The following PNPLA1 variants were observed in gnomAD, a reference collection of about 807,000 sequenced individuals.
PNPLA1 encodes the protein patatin like domain 1, omega-hydroxyceramide transacylase.
A neutral mutation model predicts 51.7 loss-of-function variants in PNPLA1; 36 were observed. The observed-to-expected ratio is 0.70, with a 90% CI of 0.53 to 0.92. The LOEUF (loss-of-function observed/expected upper bound fraction) is 0.92. Among genes scored for constraint, PNPLA1 ranks in the 40% least tolerant of loss-of-function variants. PNPLA1 has a pLI of 0.00. For synonymous variants in PNPLA1, 293 were observed against 280.1 expected, an observed-to-expected ratio of 1.05 and a Z score of -0.46; for missense variants, 658 against 682.5, an observed-to-expected ratio of 0.96 and a Z score of 0.40.
intron 1 of PNPLA1, among the ~76,000 whole-genome samples, chr6:36,285,610 T>C (rs190481242): frequency 1.8e-4 from 27 of 152,278 alleles, no homozygotes; most frequent in African/African-American, 5.3e-4. Context: ...CCCGCTTCAG[T>C]TTCTGGAGTT....
At chr6:36,276,775 TTC>T (rs1414047671) in intron 1 of PNPLA1, among the ~76,000 whole-genome samples, 60 of 152,068 alleles carry the variant, frequency 3.9e-4, no homozygotes, top group African/African-American at 1.3e-3. Flanking sequence ...CCTTCCTTCC[TTC>T]CTTCCTTCCT....
intron 1 of PNPLA1, among the ~76,000 whole-genome samples, chr6:36,285,298 G>A (rs1305233641): frequency 6.6e-6 from 1 of 152,198 alleles, no homozygotes; most frequent in Non-Finnish European, 1.5e-5. Context: ...TGGGAGCAGG[G>A]CCGGCGGCGC....
upstream of PNPLA1, among the ~76,000 whole-genome samples, chr6:36,269,261 G>A (rs933440162): frequency 1.3e-5 from 2 of 152,146 alleles, no homozygotes; most frequent in South Asian, 2.1e-4. Flanking sequence ...TGAGGGGAGC[G>A]GGAGACGCCA....
intron 5 of PNPLA1, among the ~76,000 whole-genome samples, chr6:36,296,599 G>A (rs1183953811): frequency 1.3e-5 from 2 of 152,174 alleles, no homozygotes; most frequent in African/African-American, 4.8e-5. Flanking sequence ...CCTAGGAGGT[G>A]CTCACTTATT....
chr6:36,305,736 CT>C (rs1771209173), intron 6 of PNPLA1, among the ~76,000 whole-genome samples: 2 of 130,612 alleles, frequency 1.5e-5, no homozygotes, highest in South Asian at 5.3e-4. Context: ...GGAGCTATTT[CT>C]TTTCTTTTCC....
chr6:36,254,061 C>T (rs1769478273), intron 1 of PNPLA1, among the ~76,000 whole-genome samples: 1 of 152,040 alleles, frequency 6.6e-6, no homozygotes, highest in Non-Finnish European at 1.5e-5. Context: ...TATGTTTTCT[C>T]ACCTTTAAAA....
At chr6:36,284,024 A>T (rs1770399113) in intron 1 of PNPLA1, among the ~76,000 whole-genome samples, 2 of 152,230 alleles carry the variant, frequency 1.3e-5, no homozygotes, top group South Asian at 4.1e-4. Context: ...TTCTAGATGC[A>T]TTCCCTCTCT....
rs941340888 is a variant in PNPLA1 at position 36,295,490 on chromosome 6, G to T, written c.775+66G>T. ...GGTAGGGAAAGTTCAAACAGTAGAA[G>T]GGCTGAATGGAGGGGTATTCCCCCC... is the stretch of plus-strand genomic sequence containing the variant. On this transcript the variant is annotated intron_variant, in intron 5 of 8. Transcript: ENST00000636260. 13 of 1,509,228 alleles carry T rather than the reference G, an allele frequency of 8.6e-6. No individual in the cohort carries two copies. The Admixed American group carries it at 1.8e-4, about 21-fold the overall frequency. 93.5% of individuals were successfully genotyped at this position (1,509,228 alleles called of 1,614,324 possible). A position where few individuals can be genotyped will look rare whatever the true frequency, so the allele number is the denominator to read the frequency against.
Position 36,312,990 on chromosome 6 carries a change from T to G in PNPLA1, c.*1104T>G, listed in dbSNP as rs1471852228. ...GTGGTGGCAGGAGCCCAAGTTCTGG[T>G]TGTTTGGTTTTTAATTCTTACAGTG... is the stretch of plus-strand genomic sequence containing the variant. On this transcript the variant is annotated 3_prime_UTR_variant, in exon 9 of 9. Transcript: ENST00000636260. Among the ~76,000 whole-genome samples, 1 of 151,836 alleles carries G rather than the reference T, an allele frequency of 6.6e-6. No homozygotes were observed. Among genetic ancestry groups the G allele is most frequent in the Admixed American group, 6.6e-5 (1 of 15,252 alleles).
intron 2 of PNPLA1, 82 bp from the exon 3 acceptor site, chr6:36,292,979 G>A: frequency 8.1e-7 from 1 of 1,235,568 alleles, no homozygotes; most frequent in South Asian, 1.4e-5. Flanking sequence ...GGCTGGTGGT[G>A]GGTGGCCCAG....
At chr6:36,297,238 C>T (rs1270370119) in intron 5 of PNPLA1, among the ~76,000 whole-genome samples, 1 of 152,190 alleles carries the variant, frequency 6.6e-6, no homozygotes, top group African/African-American at 2.4e-5. Flanking sequence ...GCTATTTTTG[C>T]TTCCTCTTCC....
At chr6:36,262,544 G>T (rs1016266626) in intron 1 of PNPLA1, among the ~76,000 whole-genome samples, 2 of 152,124 alleles carry the variant, frequency 1.3e-5, no homozygotes, top group African/African-American at 4.8e-5. Flanking sequence ...CAACACAAGA[G>T]GCTAGCAGTG....
At chr6:36,299,288 G>A (rs550496270) in intron 5 of PNPLA1, among the ~76,000 whole-genome samples, 64 of 150,936 alleles carry the variant, frequency 4.2e-4, no homozygotes, top group African/African-American at 1.5e-3. Context: ...GTGGATGAGC[G>A]TTCCCATTCC....
At chr6:36,256,864 G>T (rs1228711394) in intron 1 of PNPLA1, among the ~76,000 whole-genome samples, 1 of 152,164 alleles carries the variant, frequency 6.6e-6, no homozygotes, top group African/African-American at 2.4e-5. Context: ...GTCCCACAAA[G>T]CTTGAAACTC....
At position 36,282,136 on chromosome 6, in the gene PNPLA1, G is replaced by GGAAA. The variant is rs1406503208; in HGVS notation, c.206-9181_206-9178dup. On this transcript the variant is annotated intron_variant, in intron 1 of 8. Transcript: ENST00000636260. ...AGGAAGGAAGGAAGGAAGGAAGGAAGGAAAGAGAGACAGAGAGAGAGAGAA... is the reference window on the plus strand; with the variant it reads ...AGGAAGGAAGGAAGGAAGGAAGGAAGGAAAGAAAGAGAGACAGAGAGAGAGAGAA... Among the ~76,000 whole-genome samples, 5 of 124,160 alleles carry GGAAA rather than the reference G, an allele frequency of 4.0e-5. No individual in the cohort carries two copies. In the East Asian group the frequency reaches 1.2e-3, roughly 30 times the overall value. The allele number at this position is 124,160 out of a possible 152,430, so 81.5% of individuals were successfully genotyped here.
chr6:36,290,655 G>A (rs368102181), intron 1 of PNPLA1, among the ~76,000 whole-genome samples: 1 of 152,124 alleles, frequency 6.6e-6, no homozygotes, highest in Non-Finnish European at 1.5e-5. Context: ...TGCCACCCCC[G>A]AATAGCGCAT....
At chr6:36,300,178 T>TGTGTGTGAGAGAGATAGAGAGAGAGA in intron 5 of PNPLA1, among the ~76,000 whole-genome samples, 1 of 98,088 alleles carries the variant, frequency 1.0e-5, no homozygotes. Flanking sequence ...TGTGTGTGTG[T>TGTGTGTGAGAGAGATAGAGAGAGAGA]GAGAGAGAGA....
intron 1 of PNPLA1, among the ~76,000 whole-genome samples, chr6:36,284,968 A>G (rs1383713724): frequency 2.0e-5 from 3 of 152,192 alleles, no homozygotes; most frequent in Non-Finnish European, 4.4e-5. Flanking sequence ...AGTGTAGGGC[A>G]TAGAAATAAA....
At position 36,270,320 on chromosome 6, in the gene PNPLA1, G is replaced by A. The variant is rs1404605785; in HGVS notation, c.-140G>A. 17 of 855,878 alleles carry A rather than the reference G, an allele frequency of 2.0e-5. No individual in the cohort carries two copies. The South Asian group carries it at 2.6e-4, about 13-fold the overall frequency. 53.0% of individuals were successfully genotyped at this position (855,878 alleles called of 1,614,324 possible). The stretch of plus-strand genomic sequence containing the variant: ...GAGCAGCCTGTGGTTGCTCCAGCCG[G>A]GTAGAGACAGCCACATTCCAAGCTC... On this transcript the variant is annotated 5_prime_UTR_variant, in exon 1 of 9. Coordinates refer to ENST00000636260, the MANE Select transcript of PNPLA1 (RefSeq NM_001374623.1).
Sources: allele counts gnomAD v4.1 joint callset (sites outside exome capture counted in the v4.1 genomes callset), GRCh38; gene constraint gnomAD v4.1.1; transcripts MANE v1.5; gene names NCBI Gene and HGNC (gene_info 2026-07-23, HGNC 2026-07-21).